Variants in CCSER2 observed in about 807,000 individuals in gnomAD.
The protein encoded by CCSER2 is coiled-coil serine rich protein 2, also known as serine-rich coiled-coil domain-containing protein 2.
Under a neutral mutation model 92.3 loss-of-function variants are expected in CCSER2, and 46 were observed. The observed-to-expected ratio is 0.50, with a 90% CI of 0.39 to 0.64. CCSER2 has a LOEUF of 0.64. Among genes scored for constraint, CCSER2 ranks in the 30% least tolerant of loss-of-function variants. The probability of loss-of-function intolerance (pLI) is 0.00; values close to 1 mark genes in which losing one functional copy is unlikely to be tolerated. For missense variants in CCSER2, 1,244 were observed against 1,238.9 expected (o/e 1.00, Z -0.06); for synonymous variants, 433 against 431.4 (o/e 1.00, Z -0.04).
rs1372671009 is a variant in CCSER2, at chr10:84,428,682, GAT to G, written c.1868+2792_1868+2793del. On this transcript the variant is annotated intron_variant, in intron 5 of 9. Transcript: ENST00000372088. ...AAGCCAATAGGTGTGTCTTGTTTCTGATATGGGGGGAAAATAAATATTTTAAA... is the reference window on the plus strand; with the variant it reads ...AAGCCAATAGGTGTGTCTTGTTTCTGATGGGGGGAAAATAAATATTTTAAA... 2.0e-5 allele frequency among the ~76,000 whole-genome samples: 3 copies of G among 150,974 alleles called. No individual in the cohort carries two copies. The Admixed American group carries it at 2.0e-4, about 10-fold the overall frequency.
At chr10:84,385,730 A>G (rs752280530) in intron 3 of CCSER2, among the ~76,000 whole-genome samples, 1 of 152,234 alleles carries the variant, frequency 6.6e-6, no homozygotes, top group Non-Finnish European at 1.5e-5. Flanking sequence ...AGTAAATGCA[A>G]CAAATCAAAA....
At chr10:84,409,900 TC>T (rs1436767946) in intron 3 of CCSER2, among the ~76,000 whole-genome samples, 1 of 152,162 alleles carries the variant, frequency 6.6e-6, no homozygotes, top group Non-Finnish European at 1.5e-5. Context: ...TTCTTCCTGA[TC>T]CAATCCCTCC....
rs1378501041 is a variant in CCSER2 at position 84,333,124 on chromosome 10, T to C, written c.-40+4316T>C. Among the ~76,000 whole-genome samples, 3 of 152,236 alleles carry C rather than the reference T, an allele frequency of 2.0e-5. No individual in the cohort carries two copies. The East Asian group carries it at 5.8e-4, about 29-fold the overall frequency. On this transcript the variant is annotated intron_variant, in intron 1 of 9. Transcript: ENST00000372088. ...AGTTTTAGTTAAACTAACATTTTTATGACAGCAATATATTGGTTAATTGAA... is the reference window on the plus strand; with the variant it reads ...AGTTTTAGTTAAACTAACATTTTTACGACAGCAATATATTGGTTAATTGAA...
At chr10:84,457,737 G>T (rs1356511738) in intron 6 of CCSER2, among the ~76,000 whole-genome samples, 4 of 128,048 alleles carry the variant, frequency 3.1e-5, no homozygotes, top group African/African-American at 1.2e-4. Context: ...AATTTTGTTT[G>T]TTTGTTTTTG....
intron 3 of CCSER2, among the ~76,000 whole-genome samples, chr10:84,415,982 C>A (rs976524397): frequency 6.6e-6 from 1 of 152,158 alleles, no homozygotes; most frequent in Non-Finnish European, 1.5e-5. Context: ...TGCTGGTAAT[C>A]CCGGGGGTGG....
chr10:84,412,606 A>G (rs1842708543), intron 3 of CCSER2, among the ~76,000 whole-genome samples: 1 of 152,156 alleles, frequency 6.6e-6, no homozygotes, highest in African/African-American at 2.4e-5. Context: ...AGAAAAAGAC[A>G]GTTTGAGAGA....
intron 9 of CCSER2, among the ~76,000 whole-genome samples, chr10:84,488,088 G>C (rs1273280150): frequency 6.6e-6 from 1 of 152,160 alleles, no homozygotes; most frequent in Admixed American, 6.5e-5. Context: ...CAGGGATGAA[G>C]CCCACTTGAT....
chr10:84,451,854 G>A (rs1190242169), intron 6 of CCSER2, among the ~76,000 whole-genome samples: 3 of 152,070 alleles, frequency 2.0e-5, no homozygotes, highest in Non-Finnish European at 4.4e-5. Context: ...CACCTCTAAA[G>A]CGCTTATTAA....
chr10:84,465,241 G>GTA (rs201672450), intron 7 of CCSER2, among the ~76,000 whole-genome samples: 14 of 504 alleles, frequency 0.028, no homozygotes, highest in Middle Eastern at 0.25. Context: ...TCCTGAATTT[G>GTA]TGTGTGTGTG....
At chr10:84,507,254 C>A in intron 9 of CCSER2, 1 of 963,428 alleles carries the variant, frequency 1.0e-6, no homozygotes, top group Non-Finnish European at 1.2e-6. Context: ...ATTGTCCTGT[C>A]TTTTTCTTGT....
At chr10:84,405,021 A>G (rs753214294) in intron 3 of CCSER2, among the ~76,000 whole-genome samples, 48 of 152,304 alleles carry the variant, frequency 3.2e-4, no homozygotes, top group Admixed American at 5.9e-4. Flanking sequence ...AGGAGTACCA[A>G]TATGTTTTGT....
rs1264815165 is a variant in CCSER2 at position 84,508,107 on chromosome 10, T to C, written c.2326-5342T>C. On this transcript the variant is annotated intron_variant, in intron 9 of 9. Transcript: ENST00000372088. ...TTTAGTGCTGTATTTTAAGAAATTA[T>C]CTGATGGTTCAAATTCTGGCTTTGC... Among the ~76,000 whole-genome samples the C allele has an allele frequency of 2.0e-5, 3 of 152,252 alleles. No homozygotes were observed. In the East Asian group the frequency reaches 5.8e-4, roughly 29 times the overall value.
chr10:84,417,806 G>C lies in CCSER2; in HGVS notation c.1650G>C (p.Glu550Asp). 6.3e-7 allele frequency: 1 copy of C among 1,596,750 alleles called. No individual in the cohort carries two copies. The highest frequency in any genetic ancestry group is 8.6e-7 in the Non-Finnish European group (1 of 1,164,394). The part of the protein sequence containing the change: ...ILNNLESCDL[E>D]DDDLMLDVDL... ...ATAATCTTGAATCATGTGACCTTGA[G>C]GATGATGATCTTATGCTTGATGTGG... The change falls in exon 4 of 10, where the codon GAG becomes GAC. Residue 550 changes from glutamate (E) to aspartate (D), a missense_variant. Physicochemically the swap from Glu to Asp is conservative, Grantham distance 45. Coordinates refer to ENST00000372088, the MANE Select transcript of CCSER2 (RefSeq NM_001284240.2).
intron 9 of CCSER2, 125 bp from the exon 10 acceptor site, chr10:84,513,320 TAAAA>T: frequency 1.4e-6 from 1 of 718,588 alleles, no homozygotes; most frequent in Non-Finnish European, 2.2e-6. Context: ...ATTTTTTAAT[TAAAA>T]GAAACTCCAC....
rs549645821 is a variant in CCSER2, at chr10:84,388,940, T to C, written c.1614+15125T>C. 2.0e-5 allele frequency among the ~76,000 whole-genome samples: 3 copies of C among 152,270 alleles called. No individual in the cohort carries two copies. The South Asian group carries it at 6.2e-4, about 32-fold the overall frequency. On this transcript the variant is annotated intron_variant, in intron 3 of 9. Coordinates refer to ENST00000372088, the MANE Select transcript of CCSER2 (RefSeq NM_001284240.2). ...CCAGCCATAGACTGGTACTGGTCCA[T>C]GGCCCAGGGGTTAGACTCCTGCTTT...
intron 9 of CCSER2, among the ~76,000 whole-genome samples, chr10:84,478,020 T>C (rs1398282624): frequency 6.6e-6 from 1 of 152,182 alleles, no homozygotes; most frequent in Non-Finnish European, 1.5e-5. Flanking sequence ...ATATGACACT[T>C]TGAAAATATA....
intron 3 of CCSER2, 173 bp downstream of exon 3, chr10:84,373,988 TGGA>T (rs1846201795): frequency 1.5e-6 from 2 of 1,354,624 alleles, no homozygotes; most frequent in Non-Finnish European, 2.0e-6. Context: ...AAATAAAGCA[TGGA>T]GAATATATGA....
intron 3 of CCSER2, among the ~76,000 whole-genome samples, chr10:84,408,160 TAAAA>T (rs55985683): frequency 6.7e-6 from 1 of 149,124 alleles, no homozygotes; most frequent in African/African-American, 2.5e-5. Context: ...TACAGAAAAG[TAAAA>T]AAAAAAATTA....
intron 1 of CCSER2, among the ~76,000 whole-genome samples, chr10:84,344,200 A>G (rs1844357553): frequency 6.6e-6 from 1 of 152,208 alleles, no homozygotes; most frequent in African/African-American, 2.4e-5. Flanking sequence ...AGTAGATCTT[A>G]GATAGGATTT....
Sources: gnomAD v4.1 joint callset for allele counts (sites outside exome capture counted in the v4.1 genomes callset) on GRCh38, gnomAD v4.1.1 for gene constraint, MANE v1.5 for transcripts, NCBI Gene and HGNC (gene_info 2026-07-23, HGNC 2026-07-21) for gene names.